APTX: variants seen among roughly 807,000 people sequenced by gnomAD.
APTX encodes forkhead-associated domain histidine triad-like protein.
APTX carries 33 observed loss-of-function variants against 42.3 expected under a neutral mutation model. That is an observed-to-expected ratio of 0.78 (90% CI 0.59 to 1.04). The LOEUF is 1.04. Among genes scored for constraint, APTX ranks in the 50% least tolerant of loss-of-function variants. APTX has a pLI of 0.00. For synonymous variants in APTX, 130 were observed against 146.7 expected, an observed-to-expected ratio of 0.89 and a Z score of 0.82; for missense variants, 421 against 415.1, an observed-to-expected ratio of 1.01 and a Z score of -0.12.
At position 32,986,039 on chromosome 9, in the gene APTX, AAAACAAAAAAAAAAAC is replaced by A. The variant is rs774597262; in HGVS notation, c.484-25_484-10del. 1.4e-4 allele frequency: 91 copies of A among 658,180 alleles called. 5 individuals are homozygous for A. The highest frequency in any genetic ancestry group is 1.1e-3 in the African/African-American group (41 of 37,562). The allele number at this position is 658,180 out of a possible 1,614,324, so 40.8% of individuals were successfully genotyped here. ...CAGTGGCCCAGGGATTCCTAAAAAA[AAAACAAAAAAAAAAAC>A]AAAAAAAAAAAAAAACAAGCAATGT... is the stretch of plus-strand genomic sequence containing the variant. On this transcript the variant is annotated splice_polypyrimidine_tract_variant and intron_variant, in intron 4 of 7. Coordinates refer to ENST00000379817, the MANE Select transcript of APTX (RefSeq NM_001195248.2).
chr9:33,006,312 T>G (rs1382905072), upstream of APTX, among the ~76,000 whole-genome samples: 1 of 152,066 alleles, frequency 6.6e-6, no homozygotes, highest in African/African-American at 2.4e-5. Flanking sequence ...CCTGATCTCT[T>G]GGGGGAAAAA....
At chr9:33,015,685 G>C (rs1238268080) in intron 1 of APTX, among the ~76,000 whole-genome samples, 1 of 152,134 alleles carries the variant, frequency 6.6e-6, no homozygotes, top group Non-Finnish European at 1.5e-5. Flanking sequence ...GTGTTTTGCT[G>C]AGAATGCCAC....
At chr9:33,012,878 T>A (rs192563364) in intron 1 of APTX, among the ~76,000 whole-genome samples, 51 of 152,332 alleles carry the variant, frequency 3.3e-4, no homozygotes, top group Admixed American at 1.5e-3. Flanking sequence ...CTGGAAGTCA[T>A]AAGATTGTCT....
At chr9:32,991,731 C>T (rs530394126) in intron 1 of APTX, among the ~76,000 whole-genome samples, 1 of 150,380 alleles carries the variant, frequency 6.6e-6, no homozygotes, top group South Asian at 2.1e-4. Flanking sequence ...GAGCAGAGAT[C>T]GCACCATTGT....
chr9:32,988,686 GAAAAAA>G (rs201425898), intron 2 of APTX, among the ~76,000 whole-genome samples: 1 of 70,888 alleles, frequency 1.4e-5, no homozygotes, highest in Non-Finnish European at 2.6e-5. Flanking sequence ...ATCTCAGGAG[GAAAAAA>G]AAAAAAAAAA....
chr9:33,000,849 T>TC (rs1554672955), intron 1 of APTX, among the ~76,000 whole-genome samples: 3 of 140,264 alleles, frequency 2.1e-5, no homozygotes, highest in Admixed American at 7.1e-5. Context: ...TTTTTTCTTT[T>TC]TTTTTTTTTT....
At chr9:33,018,863 T>C (rs1265248465) in intron 1 of APTX, among the ~76,000 whole-genome samples, 2 of 152,054 alleles carry the variant, frequency 1.3e-5, no homozygotes, top group Admixed American at 1.3e-4. Context: ...CAGGCAACAG[T>C]GCGAGACTCC....
chr9:32,986,722 AACTCCTGACCTC>A (rs1832263984), intron 4 of APTX, among the ~76,000 whole-genome samples: 3 of 151,540 alleles, frequency 2.0e-5, no homozygotes, highest in Admixed American at 6.6e-5. Flanking sequence ...GCTGGTCTCG[AACTCCTGACCTC>A]AGGTGATCTG....
upstream of APTX, among the ~76,000 whole-genome samples, chr9:33,002,501 C>T (rs1036838904): frequency 6.6e-6 from 1 of 152,128 alleles, no homozygotes; most frequent in African/African-American, 2.4e-5. Context: ...GTCTGATTAC[C>T]TTGGCCTGTC....
chr9:33,003,753 A>G (rs1836919515), upstream of APTX, among the ~76,000 whole-genome samples: 1 of 152,224 alleles, frequency 6.6e-6, no homozygotes, highest in Admixed American at 6.5e-5. Context: ...AAGTAAAATC[A>G]GACAGTATTT....
intron 6 of APTX, among the ~76,000 whole-genome samples, chr9:32,980,767 G>T (rs1435750162): frequency 6.6e-6 from 1 of 152,196 alleles, no homozygotes; most frequent in African/African-American, 2.4e-5. Flanking sequence ...TTAATGGGCT[G>T]CATGTTGCTT....
At chr9:32,997,186 AAT>A (rs1563984816) in intron 1 of APTX, 1 of 152,198 alleles carries the variant, frequency 6.6e-6, no homozygotes, top group Non-Finnish European at 1.5e-5. Flanking sequence ...ATAAAGAGAT[AAT>A]ATATGAGCCC....
At chr9:32,989,639 C>A (rs774769082) in intron 2 of APTX, 120 bp downstream of exon 2, 1 of 1,451,294 alleles carries the variant, frequency 6.9e-7, no homozygotes, top group South Asian at 1.1e-5. Context: ...GAGCTCAGTT[C>A]CTGAGCTGTA....
chr9:33,014,373 G>T (rs1381127350), intron 1 of APTX, among the ~76,000 whole-genome samples: 4 of 152,254 alleles, frequency 2.6e-5, no homozygotes, highest in Non-Finnish European at 1.5e-5. Context: ...CTAAAGGGCA[G>T]TTTATTAGAA....
chr9:32,984,983 T>C (rs1831589045), intron 5 of APTX, 126 bp from the exon 6 acceptor site: 7 of 846,752 alleles, frequency 8.3e-6, no homozygotes, highest in South Asian at 1.4e-5. Flanking sequence ...AGCCCAGTTT[T>C]GAGAGAGGAG....
chr9:33,003,942 G>A (rs1836935603), upstream of APTX, among the ~76,000 whole-genome samples: 1 of 152,104 alleles, frequency 6.6e-6, no homozygotes, highest in African/African-American at 2.4e-5. Flanking sequence ...GAATAATGCT[G>A]CTATGAACAT....
At chr9:33,009,857 T>C (rs10971309) in intron 1 of APTX, among the ~76,000 whole-genome samples, 49,750 of 151,966 alleles carry the variant, frequency 0.33, 8,434 homozygotes, top group Non-Finnish European at 0.37. Context: ...GATCATGTCA[T>C]TCCCCTGCTT....
upstream of APTX, chr9:33,001,643 G>T (rs1258044372): frequency 1.9e-6 from 3 of 1,612,420 alleles, no homozygotes; most frequent in Non-Finnish European, 2.5e-6. Context: ...GATGACGTCA[G>T]AGGCCGGCTG....
upstream of APTX, among the ~76,000 whole-genome samples, chr9:33,004,192 T>G (rs530105911): frequency 6.6e-6 from 1 of 152,328 alleles, no homozygotes; most frequent in African/African-American, 2.4e-5. Flanking sequence ...ATACCACATG[T>G]TCTCACTTAT....
Sources: gnomAD v4.1 joint callset for allele counts (sites outside exome capture counted in the v4.1 genomes callset) on GRCh38, gnomAD v4.1.1 for gene constraint, MANE v1.5 for transcripts, NCBI Gene and HGNC (gene_info 2026-07-23, HGNC 2026-07-21) for gene names.